Variants in EBF2 observed in about 807,000 individuals in gnomAD.
The protein encoded by EBF2 is transcription factor COE2.
Under a neutral mutation model 72.8 loss-of-function variants are expected in EBF2, and 21 were observed. That is an observed-to-expected ratio of 0.29 (90% confidence interval 0.20 to 0.42). EBF2 has a LOEUF of 0.42. EBF2 is among the 10% of genes least tolerant of loss of function. EBF2 has a pLI of 1.00. For synonymous variants in EBF2, 299 were observed against 274.2 expected (o/e 1.09, Z -0.89); for missense variants, 637 against 731.2 (o/e 0.87, Z 1.49).
chr8:25,856,389 TAAA>T (rs1209953078), intron 14 of EBF2, among the ~76,000 whole-genome samples: 2 of 152,236 alleles, frequency 1.3e-5, no homozygotes, highest in Non-Finnish European at 2.9e-5. Flanking sequence ...CTTAATAATT[TAAA>T]AACGTGGTAT....
At chr8:25,900,927 TAAC>T (rs1185739531) in intron 7 of EBF2, among the ~76,000 whole-genome samples, 2 of 152,156 alleles carry the variant, frequency 1.3e-5, no homozygotes, top group Admixed American at 6.5e-5. Flanking sequence ...TGACTACAGT[TAAC>T]AACCATGTAT....
rs375386709 is a variant in EBF2, at chr8:26,005,561, T to TATAGAGAGAGAGAGAGAG, written c.551+27523_551+27524insCTCTCTCTCTCTCTCTAT. Reference sequence around the variant, plus strand: ...TATATTTTATATATATATATATATATAGAGAGAGAGAGAGAGAGGTATTTT... The same window carrying TATAGAGAGAGAGAGAGAG: ...TATATTTTATATATATATATATATATATAGAGAGAGAGAGAGAGAGAGAGAGAGAGAGAGAGGTATTTT... On this transcript the variant is annotated intron_variant, in intron 6 of 15. Transcript: ENST00000520164. 4.5e-3 allele frequency among the ~76,000 whole-genome samples: 290 copies of TATAGAGAGAGAGAGAGAG among 63,880 alleles called. 4 individuals carry two copies. Among genetic ancestry groups the TATAGAGAGAGAGAGAGAG allele is most frequent in the South Asian group, 7.3e-3 (15 of 2,060 alleles). 41.9% of individuals were successfully genotyped at this position (63,880 alleles called of 152,430 possible).
In EBF2 at chr8:26,040,977, T is replaced by A; in HGVS notation, c.314A>T (p.Asn105Ile). 6.2e-7 allele frequency: 1 copy of A among 1,614,184 alleles called. No homozygotes were observed. The highest frequency in any genetic ancestry group is 8.5e-7 in the Non-Finnish European group (1 of 1,180,028). Reference sequence around the variant, plus strand: ...GAGCTGTAACTTGTAGTGAGTGCCGTTGTTGGTCTTCTCGTTGCCTTGTTC... The same window carrying A: ...GAGCTGTAACTTGTAGTGAGTGCCGATGTTGGTCTTCTCGTTGCCTTGTTC... Reference protein sequence around the residue: ...DKEQGNEKTNNGTHYKLQLLY... With the variant: ...DKEQGNEKTNIGTHYKLQLLY... Residue 105 changes from asparagine to isoleucine, a missense_variant, in exon 3 of 16, where the codon AAC becomes ATC. By Grantham distance (149) the Asn-to-Ile change is moderately radical (BLOSUM62 -3). Around this residue, in one of 3 missense-constraint regions of EBF2, gnomAD observed 174 missense variants for 161.9 expected, o/e 1.07. Transcript: ENST00000520164.
intron 7 of EBF2, among the ~76,000 whole-genome samples, chr8:25,903,539 CA>C (rs11315038): frequency 0.58 from 87,504 of 151,176 alleles, 25,687 homozygotes; most frequent in East Asian, 0.75. Context: ...ACTAAAAATA[CA>C]AAAAAAAATA....
At chr8:25,864,390 T>A (rs1802265113) in intron 10 of EBF2, among the ~76,000 whole-genome samples, 1 of 152,144 alleles carries the variant, frequency 6.6e-6, no homozygotes, top group South Asian at 2.1e-4. Flanking sequence ...CTTTATATGT[T>A]GAGATTTTTA....
At chr8:26,005,561 T>TATATATAGAGAGAGAGAGAG (rs375386709) in intron 6 of EBF2, among the ~76,000 whole-genome samples, 10 of 63,898 alleles carry the variant, frequency 1.6e-4, no homozygotes, top group Admixed American at 5.6e-4. Context: ...TATATATATA[T>TATATATAGAGAGAGAGAGAG]AGAGAGAGAG....
Position 26,044,366 on chromosome 8 carries a change from C to G in EBF2, c.131+363G>C, listed in dbSNP as rs1805664324. On this transcript the variant is annotated intron_variant, in intron 1 of 15. Coordinates refer to ENST00000520164, the MANE Select transcript of EBF2 (RefSeq NM_022659.4). This position sits in a 1 kb window ranked among gnomAD's most constrained non-coding sequence, Gnocchi z 4.1. Reference sequence around the variant, plus strand: ...CGGCTTTCCTCCCGCGCCGCCACTGCCAGCGCCGGTGTTCACGCTCCGTTC... The same window carrying G: ...CGGCTTTCCTCCCGCGCCGCCACTGGCAGCGCCGGTGTTCACGCTCCGTTC... Among the ~76,000 whole-genome samples the G allele has an allele frequency of 6.6e-6, 1 of 152,270 alleles. No homozygotes were observed. The highest frequency in any genetic ancestry group is 6.5e-5 in the Admixed American group (1 of 15,292).
At chr8:25,850,892 G>T in intron 14 of EBF2, 131 bp from the exon 15 acceptor site, 1 of 974,252 alleles carries the variant, frequency 1.0e-6, no homozygotes, top group South Asian at 1.9e-5. Flanking sequence ...AAAAAAAAAA[G>T]TTGAATGTGA....
At position 26,044,663 on chromosome 8, in the gene EBF2, G is replaced by A. The variant is rs1805671748; in HGVS notation, c.131+66C>T. On this transcript the variant is annotated intron_variant, in intron 1 of 15. Transcript: ENST00000520164. This position sits in a 1 kb window ranked among gnomAD's most constrained non-coding sequence, Gnocchi z 4.1. ...GAAAGGCACGGGGTGCGCGGGGGGG[G>A]TGCACACGGAGAGACAGACCGTAAG... is the stretch of plus-strand genomic sequence containing the variant. 21 of 1,546,558 alleles carry A rather than the reference G, an allele frequency of 1.4e-5. No homozygotes were observed. The South Asian group carries it at 2.2e-4, about 17-fold the overall frequency.
At chr8:26,005,547 T>TATA (rs1554480984) in intron 6 of EBF2, among the ~76,000 whole-genome samples, 1 of 15,706 alleles carries the variant, frequency 6.4e-5, no homozygotes, top group African/African-American at 2.0e-4. Context: ...ATATTTTATA[T>TATA]ATATATATAT....
chr8:26,022,363 C>T (rs939946293), intron 6 of EBF2, among the ~76,000 whole-genome samples: 5 of 152,268 alleles, frequency 3.3e-5, no homozygotes, highest in Admixed American at 3.3e-4. Flanking sequence ...GAAAAATGTC[C>T]TGTACAATTG....
intron 1 of EBF2, among the ~76,000 whole-genome samples, chr8:26,042,525 G>A (rs1805622596): frequency 6.6e-6 from 1 of 152,110 alleles, no homozygotes; most frequent in South Asian, 2.1e-4. Context: ...TCACCATCCC[G>A]TCTTTAGTCG....
chr8:25,917,226 A>G (rs1210385601), intron 6 of EBF2, among the ~76,000 whole-genome samples: 1 of 145,232 alleles, frequency 6.9e-6, no homozygotes. Flanking sequence ...CCCCCCTTCT[A>G]TATTCAGACG....
intron 10 of EBF2, among the ~76,000 whole-genome samples, chr8:25,867,393 G>A (rs1015893594): frequency 6.6e-6 from 1 of 152,132 alleles, no homozygotes; most frequent in African/African-American, 2.4e-5. Flanking sequence ...AAGCCAACAG[G>A]AACTTTTCCA....
intron 7 of EBF2, among the ~76,000 whole-genome samples, chr8:25,892,044 G>A (rs1802791172): frequency 6.6e-6 from 1 of 152,066 alleles, no homozygotes; most frequent in South Asian, 2.1e-4. Flanking sequence ...AGCTACAGTA[G>A]ACCCCTTATC....
chr8:25,995,520 T>C (rs1344347236), intron 6 of EBF2, among the ~76,000 whole-genome samples: 1 of 152,156 alleles, frequency 6.6e-6, no homozygotes, highest in Non-Finnish European at 1.5e-5. Context: ...ATATTCATGT[T>C]AGATCGAAAA....
intron 6 of EBF2, among the ~76,000 whole-genome samples, chr8:25,991,845 T>A (rs905900071): frequency 6.6e-6 from 1 of 151,604 alleles, no homozygotes; most frequent in Admixed American, 6.6e-5. Flanking sequence ...AGACTCTGTC[T>A]CAAAAAAATA....
At chr8:25,951,297 G>C (rs1803857086) in intron 6 of EBF2, among the ~76,000 whole-genome samples, 2 of 152,092 alleles carry the variant, frequency 1.3e-5, no homozygotes, top group African/African-American at 4.8e-5. Flanking sequence ...CTAGACGGGA[G>C]CCTGAGGAGT....
intron 7 of EBF2, among the ~76,000 whole-genome samples, chr8:25,893,115 C>T (rs758411159): frequency 9.2e-5 from 14 of 152,060 alleles, no homozygotes; most frequent in Non-Finnish European, 1.8e-4. Flanking sequence ...GATTGTATTG[C>T]CTACCCCCCG....
Sources: gnomAD v4.1 joint callset for allele counts (sites outside exome capture counted in the v4.1 genomes callset) on GRCh38, gnomAD v4.1.1 for gene constraint, gnomAD v4.1.1 regional missense constraint, Gnocchi (gnomAD v3.1) non-coding constraint, MANE v1.5 for transcripts, NCBI Gene and HGNC (gene_info 2026-07-23, HGNC 2026-07-21) for gene names.